The following PPARGC1A variants were observed in gnomAD, a reference collection of about 807,000 sequenced individuals.
PPARGC1A encodes PPARG coactivator 1 alpha, also known as peroxisome proliferator-activated receptor gamma coactivator 1-alpha.
Under a neutral mutation model 88.7 loss-of-function variants are expected in PPARGC1A, and 25 were observed. The ratio of observed to expected loss-of-function variants is 0.28; its 90% CI spans 0.21 to 0.39. PPARGC1A has a LOEUF of 0.39. Ranked by LOEUF, PPARGC1A falls within the 10% of genes least tolerant of loss-of-function variation. The pLI, the probability that PPARGC1A is intolerant of heterozygous loss-of-function variation, is 1.00. For synonymous variants in PPARGC1A, 363 were observed against 355.6 expected (o/e 1.02, Z -0.24); for missense variants, 880 against 968.7 (o/e 0.91, Z 1.22).
At chr4:24,266,225 G>T in the PPARGC1A span, among the ~76,000 whole-genome samples, 4 of 152,182 alleles carry the variant, frequency 2.6e-5, no homozygotes, top group African/African-American at 9.7e-5. Context: ...AATCAGAACT[G>T]CCCAGTGAAT....
the PPARGC1A span, among the ~76,000 whole-genome samples, chr4:24,225,548 C>T: frequency 2.0e-5 from 3 of 150,832 alleles, no homozygotes; most frequent in Non-Finnish European, 4.4e-5. Flanking sequence ...AACACACACA[C>T]ACACAAAAAC....
At chr4:24,054,641 T>G in the PPARGC1A span, among the ~76,000 whole-genome samples, 1 of 152,238 alleles carries the variant, frequency 6.6e-6, no homozygotes. Context: ...GTAAAAACAT[T>G]ATCTCATTCA....
the PPARGC1A span, among the ~76,000 whole-genome samples, chr4:24,316,888 A>G: frequency 2.0e-5 from 3 of 152,204 alleles, no homozygotes; most frequent in Admixed American, 6.5e-5. Context: ...TTATGACTAC[A>G]AATCTCCCTA....
chr4:24,296,692 A>T, the PPARGC1A span, among the ~76,000 whole-genome samples: 3 of 152,294 alleles, frequency 2.0e-5, no homozygotes, highest in Non-Finnish European at 4.4e-5. Flanking sequence ...GCAGAAAATG[A>T]CATTGTCATC....
At chr4:24,408,271 G>A in the PPARGC1A span, among the ~76,000 whole-genome samples, 3 of 149,512 alleles carry the variant, frequency 2.0e-5, no homozygotes, top group Non-Finnish European at 4.4e-5. Context: ...AAAAAAAAAA[G>A]ACAGGAAATA....
At chr4:24,033,535 C>T in the PPARGC1A span, among the ~76,000 whole-genome samples, 1 of 152,164 alleles carries the variant, frequency 6.6e-6, no homozygotes. Flanking sequence ...TCCTGCCCCA[C>T]AGGAAATAAC....
chr4:24,138,983 G>A, the PPARGC1A span, among the ~76,000 whole-genome samples: 1 of 152,102 alleles, frequency 6.6e-6, no homozygotes, highest in Non-Finnish European at 1.5e-5. Flanking sequence ...GATCCACCAA[G>A]GGAAGCTTGT....
the PPARGC1A span, among the ~76,000 whole-genome samples, chr4:24,452,561 A>C: frequency 0.016 from 2,379 of 151,858 alleles, 66 homozygotes; most frequent in African/African-American, 0.055. Flanking sequence ...CACATTCACC[A>C]CTCTTTTCTA....
At chr4:23,890,162 C>T (rs909768827), upstream of PPARGC1A, 2 of 1,132,162 alleles carry the variant, frequency 1.8e-6, no homozygotes, top group Admixed American at 3.9e-5. Flanking sequence ...CAGCTTGCTG[C>T]TCTAACTCGT....
the PPARGC1A span, among the ~76,000 whole-genome samples, chr4:24,445,854 G>A: frequency 6.6e-6 from 1 of 152,092 alleles, no homozygotes; most frequent in African/African-American, 2.4e-5. Flanking sequence ...GATCGCTTGA[G>A]GCCAGGAGTT....
At chr4:24,063,695 C>G in the PPARGC1A span, among the ~76,000 whole-genome samples, 226 of 152,244 alleles carry the variant, frequency 1.5e-3, 3 homozygotes, top group East Asian at 0.037. Flanking sequence ...AGAAGGGGCA[C>G]TGGGCTGGAA....
At chr4:24,166,499 G>C in the PPARGC1A span, among the ~76,000 whole-genome samples, 1 of 152,190 alleles carries the variant, frequency 6.6e-6, no homozygotes, top group South Asian at 2.1e-4. Context: ...TCAATGCTTG[G>C]CTTCAAAGCT....
At chr4:24,313,891 G>A in the PPARGC1A span, among the ~76,000 whole-genome samples, 3 of 152,216 alleles carry the variant, frequency 2.0e-5, no homozygotes, top group African/African-American at 7.2e-5. Context: ...TCCATAAATA[G>A]AGGAATGGAT....
At chr4:24,463,249 C>A in the PPARGC1A span, among the ~76,000 whole-genome samples, 2 of 152,112 alleles carry the variant, frequency 1.3e-5, no homozygotes, top group East Asian at 3.8e-4. Context: ...TAGAAATAAT[C>A]AAAATTAAAT....
the PPARGC1A span, among the ~76,000 whole-genome samples, chr4:24,020,338 T>C: frequency 6.6e-6 from 1 of 152,200 alleles, no homozygotes; most frequent in Non-Finnish European, 1.5e-5. Context: ...GGGGATTATA[T>C]TGATCCTCAT....
chr4:24,078,605 T>C, the PPARGC1A span, among the ~76,000 whole-genome samples: 2 of 152,212 alleles, frequency 1.3e-5, no homozygotes, highest in South Asian at 4.2e-4. Context: ...CTGTTTTCAC[T>C]CTGACCCGTA....
chr4:24,076,649 C>A, the PPARGC1A span, among the ~76,000 whole-genome samples: 1 of 152,086 alleles, frequency 6.6e-6, no homozygotes, highest in Non-Finnish European at 1.5e-5. Context: ...TGTAGGCTTG[C>A]TGTGAAATCC....
At chr4:24,009,380 T>C in the PPARGC1A span, among the ~76,000 whole-genome samples, 3 of 152,128 alleles carry the variant, frequency 2.0e-5, no homozygotes, top group East Asian at 1.9e-4. Flanking sequence ...ATTTTATTCT[T>C]GTTAGAGGTG....
chr4:23,874,137 T>C (rs1036604775), intron 2 of PPARGC1A, among the ~76,000 whole-genome samples: 1 of 152,242 alleles, frequency 6.6e-6, no homozygotes, highest in African/African-American at 2.4e-5. Context: ...ATGTGACAGG[T>C]TGACAACATA....
Sources: allele counts gnomAD v4.1 joint callset (sites outside exome capture counted in the v4.1 genomes callset), GRCh38; gene constraint gnomAD v4.1.1; transcripts MANE v1.5; gene names NCBI Gene and HGNC (gene_info 2026-07-23, HGNC 2026-07-21).